FASTKD2: variants seen among roughly 807,000 people sequenced by gnomAD.
The protein encoded by FASTKD2 is FAST kinase domains 2, also known as FAST kinase domain-containing protein 2, mitochondrial.
A neutral mutation model predicts 63.6 loss-of-function variants in FASTKD2; 51 were observed. That is an observed-to-expected ratio of 0.80 (90% CI 0.64 to 1.01). The LOEUF (loss-of-function observed/expected upper bound fraction) is 1.01. Ranked by LOEUF, FASTKD2 falls within the 50% of genes least tolerant of loss-of-function variation. The pLI is 0.00. For synonymous variants in FASTKD2, 284 were observed against 293.4 expected (o/e 0.97, Z 0.33); for missense variants, 786 against 831.1 (o/e 0.95, Z 0.67).
intron 8 of FASTKD2, 51 bp downstream of exon 8, chr2:206,786,950 C>A (rs1036421508): frequency 8.0e-6 from 8 of 997,066 alleles, no homozygotes; most frequent in Non-Finnish European, 1.3e-5. Context: ...TTCTGCACTA[C>A]CACTAGCTAC....
chr2:206,767,217 A>G lies in FASTKD2; in HGVS notation c.524A>G (p.Lys175Arg). The G allele has an allele frequency of 1.2e-6, 2 of 1,614,226 alleles. No homozygotes were observed. The highest frequency in any genetic ancestry group is 2.2e-5 in the South Asian group (2 of 91,084). ...SLSDVLDAFS[K>R]APTFPSSNYF... ...AGTGATGTGTTAGATGCATTTTCAA[A>G]AGCGCCCACATTTCCTAGTAGCAAC... The change falls in exon 2 of 12, where the codon AAA (lysine) becomes AGA (arginine). Residue 175 changes from lysine (K) to arginine (R), a missense_variant. Physicochemically the swap from Lys to Arg is conservative, Grantham distance 26 (BLOSUM62 2). Transcript: ENST00000402774.
chr2:206,772,069 A>G lies in FASTKD2; in HGVS notation c.1114+52A>G, dbSNP rs752667072. 22 of 1,607,356 alleles carry G rather than the reference A, an allele frequency of 1.4e-5. No homozygotes were observed. In the Admixed American group the frequency reaches 3.0e-4, roughly 22 times the overall value. On this transcript the variant is annotated intron_variant, in intron 5 of 11. Transcript: ENST00000402774. ...TGCAATACCTGAGCTTCTGTTTTAG[A>G]CTATTTTTGTTTTGTTTTAAAAACT...
At chr2:206,780,437 G>A (rs1199039914) in intron 7 of FASTKD2, among the ~76,000 whole-genome samples, 1 of 152,190 alleles carries the variant, frequency 6.6e-6, no homozygotes, top group Non-Finnish European at 1.5e-5. Context: ...TCTCTGGCCT[G>A]CAAAGTTTCT....
At chr2:206,776,763 T>C (rs1378332705) in intron 7 of FASTKD2, among the ~76,000 whole-genome samples, 1 of 151,970 alleles carries the variant, frequency 6.6e-6, no homozygotes, top group East Asian at 1.9e-4. Flanking sequence ...TTTTTCAAAA[T>C]TGCTTTGGCA....
chr2:206,767,550 C>A, intron 2 of FASTKD2, 80 bp downstream of exon 2: 1 of 1,105,644 alleles, frequency 9.0e-7, no homozygotes, highest in Non-Finnish European at 1.3e-6. Context: ...AGATATGTAG[C>A]CTTCTTAAAA....
intron 4 of FASTKD2, 137 bp from the exon 5 acceptor site, chr2:206,771,757 G>A: frequency 1.5e-6 from 1 of 683,852 alleles, no homozygotes; most frequent in East Asian, 2.7e-5. Context: ...GGGCGGCTGA[G>A]GCAGGAGGAT....
chr2:206,767,244 A>C lies in FASTKD2; in HGVS notation c.551A>C (p.Tyr184Ser). ...SKAPTFPSSN[Y>S]FTAMWTIAKR... is the part of the protein sequence containing the mutation. ...GCGCCCACATTTCCTAGTAGCAACT[A>C]TTTCACAGCAATGTGGACAATTGCC... The change falls in exon 2 of 12, where the codon TAT becomes TCT. Residue 184 changes from tyrosine (Y) to serine (S), a missense_variant. Transcript: ENST00000402774. The C allele has an allele frequency of 6.2e-7, 1 of 1,614,230 alleles. No homozygotes were observed. The highest frequency in any genetic ancestry group is 8.5e-7 in the Non-Finnish European group (1 of 1,180,020).
At chr2:206,766,539 T>C in intron 1 of FASTKD2, 105 bp from the exon 2 acceptor site, 1 of 688,098 alleles carries the variant, frequency 1.5e-6, no homozygotes, top group East Asian at 2.7e-5. Flanking sequence ...AAATGTTTAA[T>C]GGCTCCATAG....
chr2:206,790,371 G>A (rs182736582), intron 10 of FASTKD2: 2 of 534,502 alleles, frequency 3.7e-6, no homozygotes, highest in East Asian at 6.6e-5. Context: ...GTATAATGTT[G>A]TATATTTTTG....
At chr2:206,787,187 C>G (rs1013048533) in intron 8 of FASTKD2, among the ~76,000 whole-genome samples, 3 of 152,166 alleles carry the variant, frequency 2.0e-5, no homozygotes, top group Non-Finnish European at 4.4e-5. Context: ...GCTAACTGTT[C>G]AGGCTGTTCT....
intron 2 of FASTKD2, among the ~76,000 whole-genome samples, chr2:206,769,205 A>G (rs955535305): frequency 3.3e-5 from 5 of 152,242 alleles, no homozygotes; most frequent in Non-Finnish European, 5.9e-5. Context: ...CTTTCATAGT[A>G]GATATGGATG....
chr2:206,775,046 C>T (rs543306765), intron 7 of FASTKD2, among the ~76,000 whole-genome samples: 17 of 152,092 alleles, frequency 1.1e-4, no homozygotes, highest in African/African-American at 3.9e-4. Context: ...TAATGCCCTT[C>T]AAGTTGATCC....
intron 8 of FASTKD2, among the ~76,000 whole-genome samples, 168 bp downstream of exon 8, chr2:206,787,067 T>C (rs1690157119): frequency 6.6e-6 from 1 of 152,146 alleles, no homozygotes; most frequent in African/African-American, 2.4e-5. Flanking sequence ...GGATAGTGCT[T>C]CAAAGCAGCA....
Position 206,771,972 on chromosome 2 carries a change from C to A in FASTKD2, c.1069C>A (p.His357Asn). Residue 357 changes from histidine (H) to asparagine (N), a missense_variant, in exon 5 of 12, where the codon CAC (histidine) becomes AAC (asparagine). Coordinates refer to ENST00000402774, the MANE Select transcript of FASTKD2 (RefSeq NM_001136193.2). Reference sequence around the variant, plus strand: ...GTTTGAAGTACTAGCTGCCATGAATCACCGATCTCTTATACTCCTGGATGA... The same window carrying A: ...GTTTGAAGTACTAGCTGCCATGAATAACCGATCTCTTATACTCCTGGATGA... ...HMFEVLAAMNHRSLILLDECS... is the reference protein window; with the variant it reads ...HMFEVLAAMNNRSLILLDECS... 1 of 1,613,304 alleles carries A rather than the reference C, an allele frequency of 6.2e-7. No homozygotes were observed. The highest frequency in any genetic ancestry group is 8.5e-7 in the Non-Finnish European group (1 of 1,179,250).
chr2:206,766,281 A>C (rs1689459030), intron 1 of FASTKD2, among the ~76,000 whole-genome samples: 1 of 151,018 alleles, frequency 6.6e-6, no homozygotes, highest in Non-Finnish European at 1.5e-5. Context: ...AAAAAAAAAA[A>C]AAAACAGAGA....
At chr2:206,770,055 A>G (rs1303913506) in intron 2 of FASTKD2, 36 bp from the exon 3 acceptor site, 1 of 1,328,948 alleles carries the variant, frequency 7.5e-7, no homozygotes, top group Non-Finnish European at 1.1e-6. Context: ...CTATGGGCTC[A>G]TCACCTGTAG....
intron 7 of FASTKD2, among the ~76,000 whole-genome samples, chr2:206,775,794 A>G (rs185322989): frequency 6.6e-5 from 10 of 152,022 alleles, no homozygotes; most frequent in African/African-American, 1.9e-4. Context: ...TACATTTTTC[A>G]AGGAAGCTTC....
chr2:206,782,842 A>C (rs887153486), intron 7 of FASTKD2, among the ~76,000 whole-genome samples: 1 of 152,156 alleles, frequency 6.6e-6, no homozygotes, highest in Non-Finnish European at 1.5e-5. Flanking sequence ...GAGTTAATCT[A>C]TGTCAAGTTC....
rs1334508629 is a variant in FASTKD2, at chr2:206,793,239, A to AC, written c.*1437_*1438insC. ...CTGTCTCAAAAAAAAAAAAAAAAAAAAAAAAAAAAAAATACAAAAACTATA... is the reference window on the plus strand; with the variant it reads ...CTGTCTCAAAAAAAAAAAAAAAAAAACAAAAAAAAAAAATACAAAAACTATA... On this transcript the variant is annotated 3_prime_UTR_variant, in exon 12 of 12. Transcript: ENST00000402774. Among the ~76,000 whole-genome samples, 2 of 148,592 alleles carry AC rather than the reference A, an allele frequency of 1.3e-5. No individual in the cohort carries two copies. The highest frequency in any genetic ancestry group is 3.0e-5 in the Non-Finnish European group (2 of 67,328).
Sources: gnomAD v4.1 joint callset for allele counts (sites outside exome capture counted in the v4.1 genomes callset) on GRCh38, gnomAD v4.1.1 for gene constraint, MANE v1.5 for transcripts, NCBI Gene and HGNC (gene_info 2026-07-23, HGNC 2026-07-21) for gene names.